Variants in UIMC1 observed in about 807,000 individuals in gnomAD.
UIMC1 encodes the protein ubiquitin interaction motif containing 1.
Under a neutral mutation model 84.9 loss-of-function variants are expected in UIMC1, and 42 were observed. The ratio of observed to expected loss-of-function variants is 0.49; its 90% confidence interval spans 0.39 to 0.64. UIMC1 has a LOEUF of 0.64. UIMC1 is among the 30% of genes least tolerant of loss of function. The pLI, the probability that UIMC1 is intolerant of heterozygous loss-of-function variation, is 0.00. For synonymous variants in UIMC1, 281 were observed against 293.0 expected (o/e 0.96, Z 0.42); for missense variants, 825 against 847.6 (o/e 0.97, Z 0.33).
chr5:176,988,898 G>A (rs1481229589), intron 1 of UIMC1, among the ~76,000 whole-genome samples: 1 of 151,888 alleles, frequency 6.6e-6, no homozygotes, highest in Admixed American at 6.6e-5. Flanking sequence ...TGGCCAAGAT[G>A]GTCTCGATCT....
chr5:176,966,675 G>A (rs1768352134), intron 6 of UIMC1, among the ~76,000 whole-genome samples: 1 of 152,000 alleles, frequency 6.6e-6, no homozygotes, highest in African/African-American at 2.4e-5. Context: ...AGCTACTTCA[G>A]AAAAAGCAAA....
chr5:176,989,996 T>A (rs1257244543), intron 1 of UIMC1, among the ~76,000 whole-genome samples: 1 of 151,796 alleles, frequency 6.6e-6, no homozygotes. Flanking sequence ...CTGGCTAACA[T>A]GGTGAAACCC....
At chr5:177,004,551 G>C (rs1775001486) in intron 1 of UIMC1, among the ~76,000 whole-genome samples, 1 of 152,056 alleles carries the variant, frequency 6.6e-6, no homozygotes, top group Non-Finnish European at 1.5e-5. Flanking sequence ...TGCCAATGAA[G>C]GAGGAATCAA....
intron 1 of UIMC1, among the ~76,000 whole-genome samples, chr5:177,016,840 T>C (rs1775684467): frequency 1.3e-5 from 2 of 151,806 alleles, no homozygotes; most frequent in East Asian, 1.9e-4. Flanking sequence ...CTGGCCAACA[T>C]GGTAAAACCC....
At chr5:176,970,950 T>C in intron 3 of UIMC1, 84 bp from the exon 4 acceptor site, 1 of 1,515,632 alleles carries the variant, frequency 6.6e-7, no homozygotes, top group Non-Finnish European at 8.8e-7. Flanking sequence ...TATTAAACTT[T>C]TCAACTGAAG....
chr5:177,022,521 G>C, exon 1 of UIMC1: 2 of 517,512 alleles, frequency 3.9e-6, no homozygotes, highest in Non-Finnish European at 6.7e-6. Context: ...GGAGGGGGGG[G>C]TCACTGCTGC....
intron 1 of UIMC1, among the ~76,000 whole-genome samples, chr5:177,020,228 T>C (rs1775759120): frequency 6.6e-6 from 1 of 151,854 alleles, no homozygotes; most frequent in African/African-American, 2.4e-5. Flanking sequence ...CTCTCCTGCC[T>C]CAGGGCCTTT....
At chr5:177,021,240 T>C (rs1775806535) in intron 1 of UIMC1, among the ~76,000 whole-genome samples, 1 of 152,096 alleles carries the variant, frequency 6.6e-6, no homozygotes, top group African/African-American at 2.4e-5. Flanking sequence ...ATCGCGTCAC[T>C]GCACTCCAAC....
chr5:176,911,137 AAAG>A (rs1760121953), intron 11 of UIMC1, among the ~76,000 whole-genome samples, 171 bp downstream of exon 11: 1 of 93,742 alleles, frequency 1.1e-5, no homozygotes, highest in Admixed American at 1.0e-4. Flanking sequence ...AAAGAAAAGA[AAAG>A]AAAAGAAAAG....
intron 4 of UIMC1, chr5:176,970,379 C>T: frequency 3.8e-6 from 1 of 261,228 alleles, no homozygotes; most frequent in Non-Finnish European, 7.4e-6. Flanking sequence ...CATAATCCAC[C>T]TCTAGTTCTC....
chr5:176,937,851 T>TTAA (rs909839734), intron 10 of UIMC1, among the ~76,000 whole-genome samples: 1 of 152,138 alleles, frequency 6.6e-6, no homozygotes, highest in African/African-American at 2.4e-5. Context: ...ATTCCACCCC[T>TTAA]TAAGCATTGG....
At chr5:177,021,503 G>A (rs762454449) in intron 1 of UIMC1, among the ~76,000 whole-genome samples, 1 of 152,174 alleles carries the variant, frequency 6.6e-6, no homozygotes, top group Non-Finnish European at 1.5e-5. Flanking sequence ...GTGGGAGACT[G>A]AGCCATGAAG....
chr5:176,949,374 T>C (rs1765553183), intron 9 of UIMC1, among the ~76,000 whole-genome samples: 1 of 152,198 alleles, frequency 6.6e-6, no homozygotes, highest in Non-Finnish European at 1.5e-5. Context: ...CTAAACAGGG[T>C]TCATGCTCTT....
intron 9 of UIMC1, among the ~76,000 whole-genome samples, chr5:176,945,040 G>A (rs979132925): frequency 6.6e-5 from 10 of 152,136 alleles, no homozygotes; most frequent in African/African-American, 2.2e-4. Flanking sequence ...AACAAACCCA[G>A]GCCCACTTGG....
At chr5:176,946,572 C>T (rs1296966633) in intron 9 of UIMC1, among the ~76,000 whole-genome samples, 4 of 152,116 alleles carry the variant, frequency 2.6e-5, no homozygotes, top group Middle Eastern at 3.4e-3. Context: ...CGATGGCTCA[C>T]GCTTATAATC....
chr5:176,968,115 T>C (rs1768589676), intron 6 of UIMC1, among the ~76,000 whole-genome samples: 1 of 152,170 alleles, frequency 6.6e-6, no homozygotes, highest in African/African-American at 2.4e-5. Context: ...GGCTCACGCC[T>C]GTAATCCCAA....
At chr5:176,956,572 A>G (rs189061286) in intron 7 of UIMC1, among the ~76,000 whole-genome samples, 1 of 152,270 alleles carries the variant, frequency 6.6e-6, no homozygotes, top group African/African-American at 2.4e-5. Flanking sequence ...ACATAAATTG[A>G]ATCTCTTTTC....
intron 10 of UIMC1, among the ~76,000 whole-genome samples, chr5:176,928,641 C>T (rs1034886850): frequency 1.3e-5 from 2 of 152,136 alleles, no homozygotes; most frequent in Admixed American, 1.3e-4. Context: ...GTTGAACAAA[C>T]CAGATATTTG....
Position 176,907,126 on chromosome 5 carries a change from G to T in UIMC1, c.1900C>A (p.His634Asn). Residue 634 changes from histidine to asparagine, a missense_variant, in exon 13 of 15, where the codon CAC becomes AAC. Transcript: ENST00000511320. Reference sequence around the variant, plus strand: ...CTGGGGTCCTCACCTGAAGTCTTGTGCTCAGACTGTTCCAAGAAACTAAGG... The same window carrying T: ...CTGGGGTCCTCACCTGAAGTCTTGTTCTCAGACTGTTCCAAGAAACTAAGG... ...RLLSFLEQSE[H>N]KTSDADIKSS... is the part of the protein sequence containing the mutation. 1.9e-6 allele frequency: 3 copies of T among 1,613,872 alleles called. No homozygotes were observed. The highest frequency in any genetic ancestry group is 2.5e-6 in the Non-Finnish European group (3 of 1,179,874).
Sources: gnomAD v4.1 joint callset for allele counts (sites outside exome capture counted in the v4.1 genomes callset) on GRCh38, gnomAD v4.1.1 for gene constraint, MANE v1.5 for transcripts, NCBI Gene and HGNC (gene_info 2026-07-23, HGNC 2026-07-21) for gene names.